SYT1: variants seen among roughly 807,000 people sequenced by gnomAD.
SYT1 encodes the protein synaptotagmin 1.
Under a neutral mutation model 44.8 loss-of-function variants are expected in SYT1, and 8 were observed. That is an observed-to-expected ratio of 0.18 (90% confidence interval 0.10 to 0.32). SYT1 has a LOEUF of 0.32. Ranked by LOEUF, SYT1 falls within the 10% of genes least tolerant of loss-of-function variation. SYT1 has a pLI of 1.00. For missense variants in SYT1, 286 were observed against 509.3 expected, an observed-to-expected ratio of 0.56 and a Z score of 4.22; for synonymous variants, 154 against 188.8, an observed-to-expected ratio of 0.82 and a Z score of 1.51.
At chr12:78,941,040 C>G (rs1250338458) in intron 1 of SYT1, among the ~76,000 whole-genome samples, 1 of 123,548 alleles carries the variant, frequency 8.1e-6, no homozygotes, top group Non-Finnish European at 1.8e-5. Context: ...TTTTTCTTTT[C>G]TTTACTTTTT....
intron 4 of SYT1, among the ~76,000 whole-genome samples, chr12:79,224,751 T>TTA (rs1875399034): frequency 2.5e-4 from 6 of 24,032 alleles, no homozygotes; most frequent in Admixed American, 9.5e-4. Context: ...TTATTTATTT[T>TTA]TTATTATTAT....
At chr12:79,116,189 G>T (rs1216112562) in intron 3 of SYT1, among the ~76,000 whole-genome samples, 1 of 152,132 alleles carries the variant, frequency 6.6e-6, no homozygotes, top group Non-Finnish European at 1.5e-5. Context: ...ATAATAGGTG[G>T]TAAAGAAAAC....
At chr12:79,254,573 T>G (rs1592902068) in intron 4 of SYT1, among the ~76,000 whole-genome samples, 1 of 152,240 alleles carries the variant, frequency 6.6e-6, no homozygotes, top group African/African-American at 2.4e-5. Context: ...CAAGCCTTAT[T>G]ATTTGAGAAA....
chr12:78,907,099 G>T (rs566786768), intron 1 of SYT1, among the ~76,000 whole-genome samples: 1 of 152,080 alleles, frequency 6.6e-6, no homozygotes, highest in South Asian at 2.1e-4. Context: ...TTGGGTTTGT[G>T]GTAGGTGCTT....
chr12:78,872,175 A>T (rs1411439814), intron 1 of SYT1, among the ~76,000 whole-genome samples: 1 of 151,964 alleles, frequency 6.6e-6, no homozygotes, highest in Non-Finnish European at 1.5e-5. Flanking sequence ...CAAAGCCAAC[A>T]TACCCTTAAA....
At chr12:78,943,266 G>T (rs1385640985) in intron 1 of SYT1, among the ~76,000 whole-genome samples, 2 of 152,096 alleles carry the variant, frequency 1.3e-5, no homozygotes, top group African/African-American at 4.8e-5. Context: ...AATTTATAAA[G>T]AAAAGAATTT....
chr12:79,317,317 T>C (rs577390656), intron 8 of SYT1, among the ~76,000 whole-genome samples: 1 of 152,358 alleles, frequency 6.6e-6, no homozygotes, highest in African/African-American at 2.4e-5. Flanking sequence ...GCCTACTTTA[T>C]GCAAAACAAC....
At chr12:78,924,352 T>C (rs922926782) in intron 1 of SYT1, among the ~76,000 whole-genome samples, 2 of 151,908 alleles carry the variant, frequency 1.3e-5, no homozygotes, top group African/African-American at 4.8e-5. Flanking sequence ...TTGGGGAAAG[T>C]TACATTGAGA....
At chr12:78,918,361 C>A (rs1451696438) in intron 1 of SYT1, among the ~76,000 whole-genome samples, 1 of 152,132 alleles carries the variant, frequency 6.6e-6, no homozygotes, top group East Asian at 1.9e-4. Flanking sequence ...ATCTGTAAAA[C>A]TGCCAGCATC....
chr12:78,920,490 A>T (rs1876920183), intron 1 of SYT1, among the ~76,000 whole-genome samples: 1 of 152,022 alleles, frequency 6.6e-6, no homozygotes, highest in African/African-American at 2.4e-5. Flanking sequence ...AAAATTCAAG[A>T]AGCAATTTAG....
intron 3 of SYT1, among the ~76,000 whole-genome samples, chr12:79,125,282 CT>C (rs2138151653): frequency 6.6e-6 from 1 of 152,048 alleles, no homozygotes; most frequent in East Asian, 1.9e-4. Flanking sequence ...TACTTCAGAA[CT>C]TTACTTTTCT....
chr12:79,219,478 G>A (rs922417749), intron 4 of SYT1, among the ~76,000 whole-genome samples: 2 of 151,886 alleles, frequency 1.3e-5, no homozygotes, highest in Non-Finnish European at 2.9e-5. Context: ...TCATAATTTT[G>A]AATCTTATAT....
intron 3 of SYT1, among the ~76,000 whole-genome samples, chr12:79,111,750 C>A (rs921947646): frequency 9.9e-5 from 15 of 150,908 alleles, no homozygotes; most frequent in African/African-American, 3.4e-4. Flanking sequence ...AAAAAAAAAA[C>A]TGAGACTCAA....
At chr12:79,390,912 G>A (rs2136093261) in intron 9 of SYT1, among the ~76,000 whole-genome samples, 1 of 152,272 alleles carries the variant, frequency 6.6e-6, no homozygotes, top group African/African-American at 2.4e-5. Context: ...ACTTGCTACA[G>A]TCTAGACTGG....
intron 4 of SYT1, among the ~76,000 whole-genome samples, chr12:79,224,293 A>AT (rs1478939305): frequency 2.6e-5 from 4 of 152,234 alleles, no homozygotes; most frequent in African/African-American, 9.6e-5. Context: ...CAGAGCTTAT[A>AT]TTCTAGTGAA....
At chr12:79,281,954 C>A (rs1001502062) in intron 4 of SYT1, among the ~76,000 whole-genome samples, 1 of 152,168 alleles carries the variant, frequency 6.6e-6, no homozygotes, top group Non-Finnish European at 1.5e-5. Context: ...AGGGGAGAAT[C>A]CATTTCCCTG....
At chr12:79,402,019 G>A (rs1373443695) in intron 9 of SYT1, among the ~76,000 whole-genome samples, 1 of 152,078 alleles carries the variant, frequency 6.6e-6, no homozygotes, top group Non-Finnish European at 1.5e-5. Flanking sequence ...GATTAAGAAG[G>A]TGGGCTGCCC....
Position 78,890,803 on chromosome 12 carries a change from T to A in SYT1, c.-217+25694T>A, listed in dbSNP as rs147954437. ...AACTGCATTTCTGTTACCTCCAATC[T>A]ACAATCCGGAGTCTATCTTTTCCTT... On this transcript the variant is annotated intron_variant, in intron 1 of 10. Coordinates refer to ENST00000261205, the MANE Select transcript of SYT1 (RefSeq NM_005639.3). Among the ~76,000 whole-genome samples the A allele has an allele frequency of 3.8e-3, 579 of 152,046 alleles. 6 individuals carry two copies. The highest frequency in any genetic ancestry group is 0.013 in the African/African-American group (543 of 41,528).
At chr12:78,991,134 T>C (rs1869983446) in intron 2 of SYT1, among the ~76,000 whole-genome samples, 1 of 152,168 alleles carries the variant, frequency 6.6e-6, no homozygotes, top group Non-Finnish European at 1.5e-5. Flanking sequence ...CTCTTTATAT[T>C]AATTTTTATT....
Sources: gnomAD v4.1 joint callset for allele counts (sites outside exome capture counted in the v4.1 genomes callset) on GRCh38, gnomAD v4.1.1 for gene constraint, MANE v1.5 for transcripts, NCBI Gene and HGNC (gene_info 2026-07-23, HGNC 2026-07-21) for gene names.